ATXN1: variants seen among roughly 807,000 people sequenced by gnomAD.
The protein encoded by ATXN1 is ataxin-1.
ATXN1 carries 8 observed loss-of-function variants against 56.4 expected under a neutral mutation model. The observed-to-expected ratio is 0.14, with a 90% CI of 0.08 to 0.26. The LOEUF (loss-of-function observed/expected upper bound fraction) is 0.26, where lower values mean the gene tolerates loss of function less well. ATXN1 is among the 10% of genes least tolerant of loss of function. The pLI is 1.00. For missense variants in ATXN1, 987 were observed against 1,106.5 expected, an observed-to-expected ratio of 0.89 and a Z score of 1.53; for synonymous variants, 514 against 494.6, an observed-to-expected ratio of 1.04 and a Z score of -0.52.
intron 4 of ATXN1, among the ~76,000 whole-genome samples, chr6:16,574,354 C>T (rs547572852): frequency 4.6e-5 from 7 of 152,288 alleles, no homozygotes; most frequent in African/African-American, 7.2e-5. Flanking sequence ...TACAGGCATG[C>T]GCCACCATGC....
chr6:16,459,129 C>T (rs749262644), intron 6 of ATXN1, among the ~76,000 whole-genome samples: 2 of 152,224 alleles, frequency 1.3e-5, no homozygotes, highest in Non-Finnish European at 2.9e-5. Context: ...TTTCTTATGC[C>T]TGAAAGCCCC....
At chr6:16,556,979 C>T (rs7750866) in intron 4 of ATXN1, among the ~76,000 whole-genome samples, 63,002 of 151,850 alleles carry the variant, frequency 0.41, 14,352 homozygotes, top group East Asian at 0.72. Context: ...TAAATAACAA[C>T]AAAAATATAA....
At chr6:16,629,933 C>A (rs969934619) in intron 3 of ATXN1, among the ~76,000 whole-genome samples, 2 of 148,900 alleles carry the variant, frequency 1.3e-5, no homozygotes, top group African/African-American at 4.9e-5. Flanking sequence ...AAAAAAAATT[C>A]AAAAATTTCT....
chr6:16,500,738 T>TAAAAAAAA (rs1167731131), intron 5 of ATXN1, among the ~76,000 whole-genome samples: 3 of 84,614 alleles, frequency 3.5e-5, no homozygotes, highest in Admixed American at 1.2e-4. Context: ...TTCATTATGA[T>TAAAAAAAA]AAAAAAAAAA....
At chr6:16,420,757 G>A (rs1465375972) in intron 6 of ATXN1, among the ~76,000 whole-genome samples, 1 of 152,140 alleles carries the variant, frequency 6.6e-6, no homozygotes, top group Non-Finnish European at 1.5e-5. Flanking sequence ...TAGATAGAAT[G>A]ACCCATAAAA....
chr6:16,529,901 G>C (rs1370210156), intron 4 of ATXN1, among the ~76,000 whole-genome samples: 4 of 152,130 alleles, frequency 2.6e-5, no homozygotes, highest in Admixed American at 2.6e-4. Context: ...ATTTATCTCT[G>C]TGTAGCAGAC....
chr6:16,566,000 T>C (rs537207136), intron 4 of ATXN1, among the ~76,000 whole-genome samples: 56 of 152,266 alleles, frequency 3.7e-4, no homozygotes, highest in Admixed American at 3.3e-3. Context: ...CTATCAGAAC[T>C]GTTAACTGCA....
At position 16,422,454 on chromosome 6, in the gene ATXN1, C is replaced by T. The variant is rs147923809; in HGVS notation, c.-161+63518G>A. 4.6e-3 allele frequency among the ~76,000 whole-genome samples: 693 copies of T among 152,244 alleles called. 7 individuals are homozygous for T. The highest frequency in any genetic ancestry group is 0.016 in the African/African-American group (653 of 41,540). On this transcript the variant is annotated intron_variant, in intron 6 of 7. Transcript: ENST00000436367. ...AGACAGCCATAACTGCATTTATTTA[C>T]GTCCCTGCTCTTTGACTTGAAAAGT...
chr6:16,541,579 C>T (rs1323739355), intron 4 of ATXN1, among the ~76,000 whole-genome samples: 1 of 152,180 alleles, frequency 6.6e-6, no homozygotes, highest in East Asian at 1.9e-4. Context: ...AACTGGACGC[C>T]TTTGAGAAAT....
At chr6:16,374,947 TCTGA>T in intron 6 of ATXN1, among the ~76,000 whole-genome samples, 1 of 152,296 alleles carries the variant, frequency 6.6e-6, no homozygotes, top group Non-Finnish European at 1.5e-5. Flanking sequence ...TGAGAATTGG[TCTGA>T]CTGACTTTGC....
At chr6:16,365,270 A>T (rs1312117771) in intron 6 of ATXN1, among the ~76,000 whole-genome samples, 2 of 152,070 alleles carry the variant, frequency 1.3e-5, no homozygotes, top group Admixed American at 1.3e-4. Context: ...TCTGCCTCCC[A>T]AGTTCAAGTG....
intron 4 of ATXN1, among the ~76,000 whole-genome samples, chr6:16,570,610 C>T (rs1289877662): frequency 6.6e-6 from 1 of 152,156 alleles, no homozygotes; most frequent in African/African-American, 2.4e-5. Context: ...ACAGCTTGCT[C>T]ACTTCATTCA....
intron 4 of ATXN1, among the ~76,000 whole-genome samples, chr6:16,548,231 G>A (rs574005067): frequency 2.3e-4 from 35 of 152,292 alleles, no homozygotes; most frequent in African/African-American, 8.2e-4. Flanking sequence ...AAATGAAGCA[G>A]AAAAGATAAA....
rs1039213590 is a variant in ATXN1 at position 16,302,990 on chromosome 6, GAA to G, written c.*3337_*3338del. On this transcript the variant is annotated 3_prime_UTR_variant, in exon 8 of 8. Coordinates refer to ENST00000436367, the MANE Select transcript of ATXN1 (RefSeq NM_001128164.2). ...TGCCCTCTGTGCGTTCTTCCTATTT[GAA>G]GAGAAAGCTGCCACAAGGGAGTGGT... 1.5e-4 allele frequency: 23 copies of G among 152,650 alleles called. No homozygotes were observed. The highest frequency in any genetic ancestry group is 5.5e-4 in the African/African-American group (23 of 41,458). The allele number at this position is 152,650 out of a possible 1,614,324, so 9.5% of individuals were successfully genotyped here.
chr6:16,555,189 A>G (rs1761988720), intron 4 of ATXN1, among the ~76,000 whole-genome samples: 1 of 147,952 alleles, frequency 6.8e-6, no homozygotes, highest in South Asian at 2.2e-4. Context: ...TCCTACAAAC[A>G]CTCCTTCATC....
At chr6:16,467,660 G>A (rs571654469) in intron 6 of ATXN1, among the ~76,000 whole-genome samples, 14 of 152,230 alleles carry the variant, frequency 9.2e-5, no homozygotes, top group African/African-American at 2.4e-5. Context: ...TTTTCTATGG[G>A]CATACATTCA....
chr6:16,515,741 C>T (rs1171003219), intron 5 of ATXN1, among the ~76,000 whole-genome samples: 2 of 152,100 alleles, frequency 1.3e-5, no homozygotes, highest in Admixed American at 1.3e-4. Flanking sequence ...AGCCCCTCTT[C>T]GTTGATCTGG....
intron 2 of ATXN1, among the ~76,000 whole-genome samples, chr6:16,679,376 A>G (rs182660896): frequency 0.23 from 2,867 of 12,666 alleles, 43 homozygotes; most frequent in Non-Finnish European, 0.31. Context: ...GGGTGGGTGG[A>G]TGGATGGATG....
chr6:16,642,084 G>A (rs1763715973), intron 3 of ATXN1, among the ~76,000 whole-genome samples: 2 of 152,126 alleles, frequency 1.3e-5, no homozygotes, highest in African/African-American at 2.4e-5. Context: ...CCTCTATGGA[G>A]GAGCAAAGAA....
Sources: allele counts gnomAD v4.1 joint callset (sites outside exome capture counted in the v4.1 genomes callset), GRCh38; gene constraint gnomAD v4.1.1; transcripts MANE v1.5; gene names NCBI Gene and HGNC (gene_info 2026-07-23, HGNC 2026-07-21).